The following TRPC3 variants were observed in gnomAD, a reference collection of about 807,000 sequenced individuals.
TRPC3 encodes short transient receptor potential channel 3.
In TRPC3, 54 loss-of-function variants were observed where a neutral mutation model predicts 90.9. The ratio of observed to expected loss-of-function variants is 0.59; its 90% CI spans 0.48 to 0.75. TRPC3 has a LOEUF of 0.75. TRPC3 is among the 30% of genes least tolerant of loss of function. TRPC3 has a pLI of 0.00. For synonymous variants in TRPC3, 424 were observed against 450.9 expected (o/e 0.94, Z 0.75); for missense variants, 918 against 1,194.5 (o/e 0.77, Z 3.41).
rs1365329248 is a variant in TRPC3 at position 121,878,342 on chromosome 4, A to G, written c.*1394T>C. Among the ~76,000 whole-genome samples, 1 of 152,230 alleles carries G rather than the reference A, an allele frequency of 6.6e-6. No individual in the cohort carries two copies. Among genetic ancestry groups the G allele is most frequent in the African/African-American group, 2.4e-5 (1 of 41,466 alleles). On this transcript the variant is annotated 3_prime_UTR_variant, in exon 12 of 12. Coordinates refer to ENST00000379645, the MANE Select transcript of TRPC3 (RefSeq NM_001130698.2). ...CATGTCTAAAGAGCTTTTCTGCATG[A>G]TAGCAATGATTTTAAAGTAGCATGT...
intron 3 of TRPC3, among the ~76,000 whole-genome samples, chr4:121,915,164 G>T (rs548557558): frequency 1.3e-5 from 2 of 152,296 alleles, no homozygotes; most frequent in South Asian, 4.1e-4. Flanking sequence ...GAAATGAGAA[G>T]GTAAAATTGG....
At position 121,927,052 on chromosome 4, in the gene TRPC3, G is replaced by A. The variant is rs150981350; in HGVS notation, c.988-1846C>T. On this transcript the variant is annotated intron_variant, in intron 2 of 11. Coordinates refer to ENST00000379645, the MANE Select transcript of TRPC3 (RefSeq NM_001130698.2). ...TATACAGAGGGTTTTTTGTTTGTTTGTTTGTCTGAAGGGCATATTACTGTG... is the reference window on the plus strand; with the variant it reads ...TATACAGAGGGTTTTTTGTTTGTTTATTTGTCTGAAGGGCATATTACTGTG... Among the ~76,000 whole-genome samples, 6 of 152,210 alleles carry A rather than the reference G, an allele frequency of 3.9e-5. No homozygotes were observed. In the East Asian group the frequency reaches 5.8e-4, roughly 15 times the overall value.
At chr4:121,942,545 G>A (rs960341588) in intron 1 of TRPC3, among the ~76,000 whole-genome samples, 3 of 152,094 alleles carry the variant, frequency 2.0e-5, no homozygotes, top group Non-Finnish European at 4.4e-5. Flanking sequence ...CTCCAGCCTG[G>A]GTGACAGAAC....
At chr4:121,949,719 A>C (rs889874361) in intron 1 of TRPC3, among the ~76,000 whole-genome samples, 2 of 152,168 alleles carry the variant, frequency 1.3e-5, no homozygotes, top group Non-Finnish European at 2.9e-5. Flanking sequence ...CTTCTTCTCG[A>C]CCTCTACAAA....
In TRPC3 at chr4:121,951,234, GC is replaced by G. The variant is rs887591666; in HGVS notation, c.215+231del. On this transcript the variant is annotated intron_variant, in intron 1 of 11. Coordinates refer to ENST00000379645, the MANE Select transcript of TRPC3 (RefSeq NM_001130698.2). The surrounding 1 kb of genome is among the most constrained non-coding windows in gnomAD (Gnocchi z 4.4). ...TTCCGTGTGCTTGAGCCTGGACAGAGCCCCTGCCACGCACTCGGCAGCCCCT... is the reference window on the plus strand; with the variant it reads ...TTCCGTGTGCTTGAGCCTGGACAGAGCCCTGCCACGCACTCGGCAGCCCCT... Among the ~76,000 whole-genome samples, 27 of 152,284 alleles carry G rather than the reference GC, an allele frequency of 1.8e-4. 1 individual carries two copies. The highest frequency in any genetic ancestry group is 6.8e-3 in the Middle Eastern group (2 of 294).
At chr4:121,915,532 C>T (rs2149128605) in intron 3 of TRPC3, among the ~76,000 whole-genome samples, 1 of 152,332 alleles carries the variant, frequency 6.6e-6, no homozygotes. Flanking sequence ...GCACTTCTTC[C>T]AGGAACTGGC....
rs1727815208 is a variant in TRPC3, at chr4:121,877,948, T to C, written c.*1788A>G. Among the ~76,000 whole-genome samples, 1 of 152,136 alleles carries C rather than the reference T, an allele frequency of 6.6e-6. No individual in the cohort carries two copies. The highest frequency in any genetic ancestry group is 1.5e-5 in the Non-Finnish European group (1 of 68,020). On this transcript the variant is annotated 3_prime_UTR_variant, in exon 12 of 12. Transcript: ENST00000379645. ...TTTTTCCAACCGCAAAGAAGAAAAT[T>C]ACAAAATATTCAGTTCCATAGCTAT...
intron 2 of TRPC3, among the ~76,000 whole-genome samples, chr4:121,925,937 C>T (rs1729692059): frequency 6.6e-6 from 1 of 152,124 alleles, no homozygotes; most frequent in Non-Finnish European, 1.5e-5. Context: ...AAAGCCAAAA[C>T]AAGACCATTT....
At chr4:121,916,739 G>C (rs1262669414) in intron 3 of TRPC3, among the ~76,000 whole-genome samples, 1 of 151,596 alleles carries the variant, frequency 6.6e-6, no homozygotes, top group Non-Finnish European at 1.5e-5. Flanking sequence ...TTGAGATGGA[G>C]TTTCTCTTTT....
chr4:121,893,120 CAAAAA>C (rs70950857), intron 10 of TRPC3, among the ~76,000 whole-genome samples: 1 of 105,640 alleles, frequency 9.5e-6, no homozygotes. Context: ...GACTCTGTCA[CAAAAA>C]AAAAAAAAAA....
Position 121,911,885 on chromosome 4 carries a change from C to T in TRPC3, c.1550G>A (p.Trp517Ter). 2 of 1,612,202 alleles carry T rather than the reference C, an allele frequency of 1.2e-6. No individual in the cohort carries two copies. Among genetic ancestry groups the T allele is most frequent in the Non-Finnish European group, 1.7e-6 (2 of 1,178,996 alleles). ...TAAAATAAAAGACTTACCAAGAACC[C>T]AGACCATAATTAGCATTTCAGTCCA... ...FTWTEMLIMV[W>*]VLGMMWSECK... Residue 517 changes from tryptophan (W) to a stop codon, truncating the protein, a stop_gained, in exon 5 of 12, where the codon TGG becomes TAG. Transcript: ENST00000379645. LOFTEE classifies it high-confidence loss of function.
chr4:121,903,005 A>G lies in TRPC3; in HGVS notation c.2310T>C (p.Phe770=), dbSNP rs199928018. The G allele has an allele frequency of 5.6e-6, 9 of 1,613,444 alleles. No individual in the cohort carries two copies. The highest frequency in any genetic ancestry group is 7.6e-6 in the Non-Finnish European group (9 of 1,179,774). Residue 770 remains phenylalanine, a synonymous_variant, in exon 9 of 12, where the codon TTT becomes TTC. Transcript: ENST00000379645. ...FARSKLWLSY[F]DDGKTLPPPF... ...GTGGAGGTAATGTTTTTCCATCATC[A>G]AAATAGGATAACCAAAGTTTTGAAC...
chr4:121,909,630 G>A (rs1427480615), intron 6 of TRPC3, among the ~76,000 whole-genome samples: 1 of 152,028 alleles, frequency 6.6e-6, no homozygotes, highest in Non-Finnish European at 1.5e-5. Flanking sequence ...ATGTGAACAG[G>A]ACAACATCCT....
Position 121,951,464 on chromosome 4 carries a change from A to G in TRPC3, c.215+2T>C. ...CGGGCCGCGGCCGGGCCCGGTACTC[A>G]CAGGTCCGGCCCGTGGGAGAAGGGC... On this transcript the variant is annotated splice_donor_variant, in intron 1 of 11. Transcript: ENST00000379645. LOFTEE classifies it high-confidence loss of function. The surrounding 1 kb of genome is among the most constrained non-coding windows in gnomAD (Gnocchi z 4.4). 1 of 1,258,242 alleles carries G rather than the reference A, an allele frequency of 7.9e-7. No individual in the cohort carries two copies. The highest frequency in any genetic ancestry group is 2.8e-5 in the South Asian group (1 of 36,214). 77.9% of individuals were successfully genotyped at this position (1,258,242 alleles called of 1,614,324 possible).
chr4:121,881,995 T>C (rs1396533299), intron 11 of TRPC3, among the ~76,000 whole-genome samples: 1 of 152,132 alleles, frequency 6.6e-6, no homozygotes, highest in African/African-American at 2.4e-5. Flanking sequence ...CACTGTTCTT[T>C]TATCTGCTTA....
At chr4:121,888,562 G>GT (rs34467429) in intron 10 of TRPC3, among the ~76,000 whole-genome samples, 44,440 of 143,532 alleles carry the variant, frequency 0.31, 6,897 homozygotes, top group East Asian at 0.44. Flanking sequence ...ACCAAGTTCT[G>GT]TTTTTTTTTT....
chr4:121,919,489 G>T (rs543406310), intron 3 of TRPC3, among the ~76,000 whole-genome samples: 1 of 152,278 alleles, frequency 6.6e-6, no homozygotes, highest in Non-Finnish European at 1.5e-5. Context: ...TTTCAAACTT[G>T]CTGAGTGCAA....
chr4:121,897,453 C>CAAAAAAAAAAAAAAA (rs70950860), intron 10 of TRPC3, among the ~76,000 whole-genome samples: 6 of 43,434 alleles, frequency 1.4e-4, no homozygotes, highest in East Asian at 7.6e-4. Context: ...ATCTCAACAG[C>CAAAAAAAAAAAAAAA]AAAAAAAAAA....
chr4:121,897,049 TCTCTTCA>T (rs1327694422), intron 10 of TRPC3, among the ~76,000 whole-genome samples: 3 of 151,984 alleles, frequency 2.0e-5, no homozygotes, highest in African/African-American at 7.2e-5. Flanking sequence ...AAAAGGACAG[TCTCTTCA>T]ATAACTGGTG....
Sources: gnomAD v4.1 joint callset for allele counts (sites outside exome capture counted in the v4.1 genomes callset) on GRCh38, gnomAD v4.1.1 for gene constraint, Gnocchi (gnomAD v3.1) non-coding constraint, MANE v1.5 for transcripts, NCBI Gene and HGNC (gene_info 2026-07-23, HGNC 2026-07-21) for gene names.